Variants in TTC27 observed in about 807,000 individuals in gnomAD.
The protein encoded by TTC27 is tetratricopeptide repeat protein 27.
A neutral mutation model predicts 115.9 loss-of-function variants in TTC27; 79 were observed. That is an observed-to-expected ratio of 0.68 (90% CI 0.57 to 0.82). The LOEUF is 0.82. TTC27 is among the 40% of genes least tolerant of loss of function. TTC27 has a pLI of 0.00. For synonymous variants in TTC27, 401 were observed against 356.0 expected, an observed-to-expected ratio of 1.13 and a Z score of -1.42; for missense variants, 1,054 against 993.1, an observed-to-expected ratio of 1.06 and a Z score of -0.82.
intron 3 of TTC27, among the ~76,000 whole-genome samples, chr2:32,639,981 A>C (rs1193466348): frequency 6.6e-6 from 1 of 152,168 alleles, no homozygotes; most frequent in East Asian, 1.9e-4. Context: ...CCTGGGCAAC[A>C]GAGTGAGACT....
chr2:32,668,190 C>G (rs1572495689), intron 7 of TTC27, among the ~76,000 whole-genome samples: 1 of 150,356 alleles, frequency 6.7e-6, no homozygotes, highest in South Asian at 2.1e-4. Context: ...GACTCCGTCT[C>G]AAAAAAAAGA....
chr2:32,669,518 AC>A (rs1665928247), intron 7 of TTC27, among the ~76,000 whole-genome samples: 1 of 152,198 alleles, frequency 6.6e-6, no homozygotes, highest in Non-Finnish European at 1.5e-5. Context: ...CTGTTTAATA[AC>A]CATTTTTCAG....
At chr2:32,780,079 T>C (rs554171821) in intron 14 of TTC27, 65 of 466,490 alleles carry the variant, frequency 1.4e-4, no homozygotes, top group Non-Finnish European at 2.6e-4. Flanking sequence ...ACTGTCTTGT[T>C]TACAGAAACT....
intron 5 of TTC27, among the ~76,000 whole-genome samples, chr2:32,660,950 G>A (rs1374806319): frequency 2.0e-5 from 3 of 152,156 alleles, no homozygotes; most frequent in African/African-American, 7.2e-5. Context: ...TTTGTATAAG[G>A]TGTAAGGAAG....
intron 18 of TTC27, 112 bp downstream of exon 18, chr2:32,812,727 A>G (rs1671359231): frequency 2.7e-6 from 2 of 745,674 alleles, no homozygotes; most frequent in East Asian, 2.8e-5. Flanking sequence ...AAATTATTTC[A>G]TTATATTGAC....
At chr2:32,811,879 C>G (rs918781799) in intron 17 of TTC27, among the ~76,000 whole-genome samples, 2 of 152,184 alleles carry the variant, frequency 1.3e-5, no homozygotes, top group Non-Finnish European at 2.9e-5. Flanking sequence ...GAATTAGCCA[C>G]GGCACAGCTA....
At chr2:32,747,378 A>G (rs1668866670) in intron 12 of TTC27, among the ~76,000 whole-genome samples, 1 of 152,222 alleles carries the variant, frequency 6.6e-6, no homozygotes, top group African/African-American at 2.4e-5. Flanking sequence ...ACTGAACATC[A>G]TAGTTTAGCC....
chr2:32,812,396 GA>G, intron 17 of TTC27, 107 bp from the exon 18 acceptor site: 1 of 797,054 alleles, frequency 1.3e-6, no homozygotes, highest in African/African-American at 1.7e-5. Context: ...GTACAACACA[GA>G]TGCTGCTTTT....
At chr2:32,629,737 C>T (rs1429838316) in intron 1 of TTC27, among the ~76,000 whole-genome samples, 1 of 152,192 alleles carries the variant, frequency 6.6e-6, no homozygotes, top group East Asian at 1.9e-4. Flanking sequence ...CCGCGCCCAG[C>T]CTAGGAGGCA....
intron 6 of TTC27, among the ~76,000 whole-genome samples, chr2:32,665,591 C>A (rs942833789): frequency 6.6e-6 from 1 of 152,090 alleles, no homozygotes; most frequent in Admixed American, 6.6e-5. Context: ...TCATCTATAG[C>A]CTTCCTATAA....
At chr2:32,680,423 CAA>C (rs1666378413) in intron 9 of TTC27, among the ~76,000 whole-genome samples, 1 of 151,780 alleles carries the variant, frequency 6.6e-6, no homozygotes, top group South Asian at 2.1e-4. Context: ...ACAGAGTAGA[CAA>C]AGAGAGAACC....
At chr2:32,695,879 G>A (rs972304980) in intron 9 of TTC27, among the ~76,000 whole-genome samples, 1 of 150,574 alleles carries the variant, frequency 6.6e-6, no homozygotes, top group African/African-American at 2.4e-5. Context: ...ACTCTAGCCT[G>A]GGCAACAAGA....
At chr2:32,743,034 T>C (rs1216704459) in intron 12 of TTC27, among the ~76,000 whole-genome samples, 1 of 152,178 alleles carries the variant, frequency 6.6e-6, no homozygotes. Flanking sequence ...ATTTTGCTCT[T>C]CATGTGGTCC....
chr2:32,708,678 TTTG>T lies in TTC27; in HGVS notation c.1233+5778_1233+5780del, dbSNP rs4019331. Among the ~76,000 whole-genome samples the T allele has an allele frequency of 2.5e-3, 382 of 150,712 alleles. 1 individual carries two copies. The highest frequency in any genetic ancestry group is 8.6e-3 in the African/African-American group (352 of 40,884). On this transcript the variant is annotated intron_variant, in intron 10 of 19. Transcript: ENST00000317907. ...ATTAAGCTTGTCCAACCCACCTTACTTTGTTGTTGTTGTTGTTGTTGTGTTTTG... is the reference window on the plus strand; with the variant it reads ...ATTAAGCTTGTCCAACCCACCTTACTTTGTTGTTGTTGTTGTTGTGTTTTG...
chr2:32,729,681 G>A (rs538611069), intron 10 of TTC27, among the ~76,000 whole-genome samples: 31 of 151,988 alleles, frequency 2.0e-4, no homozygotes, highest in South Asian at 6.2e-4. Context: ...CTTCTGGACC[G>A]CGCCCCAGGG....
At chr2:32,778,924 T>A (rs1670083759) in intron 14 of TTC27, among the ~76,000 whole-genome samples, 1 of 152,208 alleles carries the variant, frequency 6.6e-6, no homozygotes, top group Non-Finnish European at 1.5e-5. Flanking sequence ...CCAGACTGTT[T>A]TCCAAAGTAC....
intron 12 of TTC27, among the ~76,000 whole-genome samples, chr2:32,750,691 G>A (rs1668980594): frequency 6.6e-6 from 1 of 152,118 alleles, no homozygotes; most frequent in Non-Finnish European, 1.5e-5. Flanking sequence ...TCAAACGGGG[G>A]TTTAGATATT....
intron 16 of TTC27, among the ~76,000 whole-genome samples, chr2:32,803,376 C>G (rs1417271052): frequency 1.3e-5 from 2 of 152,200 alleles, no homozygotes; most frequent in Non-Finnish European, 1.5e-5. Flanking sequence ...ACTGCTGTTT[C>G]AGTCTCTCCA....
At chr2:32,705,570 A>G (rs1447630159) in intron 10 of TTC27, among the ~76,000 whole-genome samples, 1 of 152,112 alleles carries the variant, frequency 6.6e-6, no homozygotes, top group African/African-American at 2.4e-5. Flanking sequence ...TTCTTCTTAG[A>G]GACAGGGTCT....
Sources: allele counts gnomAD v4.1 joint callset (sites outside exome capture counted in the v4.1 genomes callset), GRCh38; gene constraint gnomAD v4.1.1; transcripts MANE v1.5; gene names NCBI Gene and HGNC (gene_info 2026-07-23, HGNC 2026-07-21).